Variants in SRGAP2C observed in about 807,000 individuals in gnomAD.
The protein encoded by SRGAP2C is SLIT-ROBO Rho GTPase-activating protein 2C.
A neutral mutation model predicts 25.1 loss-of-function variants in SRGAP2C; 15 were observed. The observed-to-expected ratio is 0.60, with a 90% CI of 0.40 to 0.92. The LOEUF (loss-of-function observed/expected upper bound fraction) is 0.92. SRGAP2C is among the 40% of genes least tolerant of loss of function. The probability of loss-of-function intolerance (pLI) is 0.00; values close to 1 mark genes in which losing one functional copy is unlikely to be tolerated. For synonymous variants in SRGAP2C, 44 were observed against 96.6 expected, an observed-to-expected ratio of 0.46 and a Z score of 3.19; for missense variants, 144 against 264.4, an observed-to-expected ratio of 0.54 and a Z score of 3.16.
At chr1:121,314,024 C>T (rs1466090552) in intron 3 of SRGAP2C, among the ~76,000 whole-genome samples, 2 of 129,438 alleles carry the variant, frequency 1.5e-5, no homozygotes, top group Non-Finnish European at 3.3e-5. Flanking sequence ...AGAGTGTTTT[C>T]CAACTTGGTT....
intron 5 of SRGAP2C, among the ~76,000 whole-genome samples, chr1:121,372,893 ACACACACACACATG>A (rs1212803297): frequency 2.8e-5 from 2 of 71,188 alleles, no homozygotes; most frequent in Admixed American, 1.4e-4. Flanking sequence ...ACACACACAC[ACACACACACACATG>A]CACACACACA....
chr1:121,281,293 G>A (rs1332867580), intron 2 of SRGAP2C, among the ~76,000 whole-genome samples: 4 of 151,418 alleles, frequency 2.6e-5, no homozygotes, highest in Non-Finnish European at 5.9e-5. Flanking sequence ...ATGGTAACAA[G>A]GGAGGCATCT....
intron 4 of SRGAP2C, among the ~76,000 whole-genome samples, chr1:121,359,883 G>T (rs1345734644): frequency 6.6e-6 from 1 of 152,254 alleles, no homozygotes; most frequent in East Asian, 1.9e-4. Flanking sequence ...GTGGAGTGGG[G>T]ACTTGGAGAA....
chr1:121,222,477 A>T (rs1454236417), intron 2 of SRGAP2C, among the ~76,000 whole-genome samples: 1 of 152,010 alleles, frequency 6.6e-6, no homozygotes, highest in Admixed American at 6.6e-5. Context: ...GATAATTTAA[A>T]AATTAGCTGG....
intron 3 of SRGAP2C, among the ~76,000 whole-genome samples, chr1:121,303,846 A>G (rs1267417090): frequency 1.7e-4 from 26 of 151,570 alleles, no homozygotes; most frequent in Non-Finnish European, 3.5e-4. Flanking sequence ...CCTGGTTCCT[A>G]TTATCCATAA....
intron 8 of SRGAP2C, among the ~76,000 whole-genome samples, chr1:121,383,315 G>C (rs1306933033): frequency 1.3e-5 from 2 of 149,124 alleles, no homozygotes; most frequent in African/African-American, 4.9e-5. Context: ...GGAGGGGGGC[G>C]CTCCCAGTGG....
intron 4 of SRGAP2C, among the ~76,000 whole-genome samples, chr1:121,334,308 ATTTG>A: frequency 1.4e-5 from 1 of 70,620 alleles, no homozygotes; most frequent in Admixed American, 1.7e-4. Context: ...CCATTTAAAA[ATTTG>A]TTTGTGTAAA....
At chr1:121,191,056 T>C (rs1654660514) in intron 2 of SRGAP2C, among the ~76,000 whole-genome samples, 1 of 152,240 alleles carries the variant, frequency 6.6e-6, no homozygotes, top group Non-Finnish European at 1.5e-5. Flanking sequence ...GGTTTGTGGG[T>C]GCCCACATTC....
intron 2 of SRGAP2C, among the ~76,000 whole-genome samples, chr1:121,281,096 CG>C (rs1485792617): frequency 6.6e-6 from 1 of 150,644 alleles, no homozygotes; most frequent in Admixed American, 6.7e-5. Flanking sequence ...TGTGCATGAA[CG>C]GGGACTGGGG....
intron 3 of SRGAP2C, among the ~76,000 whole-genome samples, chr1:121,286,183 C>T (rs1369567307): frequency 2.7e-5 from 4 of 149,234 alleles, no homozygotes; most frequent in South Asian, 2.1e-4. Flanking sequence ...AACACACTGG[C>T]GATCAGAGAA....
At chr1:121,278,148 T>C (rs2101559091) in intron 2 of SRGAP2C, among the ~76,000 whole-genome samples, 1 of 151,964 alleles carries the variant, frequency 6.6e-6, no homozygotes, top group South Asian at 2.1e-4. Context: ...GATTTTGCCA[T>C]GTTGCCCAGG....
Position 121,286,069 on chromosome 1 carries a change from T to C in SRGAP2C, c.260+1074T>C, listed in dbSNP as rs1274494746. ...CGTTGGGTTGCATTCAAAGCCATCCTGGCCCCCATGCAGCCCACAGGCCAT... is the reference window on the plus strand; with the variant it reads ...CGTTGGGTTGCATTCAAAGCCATCCCGGCCCCCATGCAGCCCACAGGCCAT... On this transcript the variant is annotated intron_variant, in intron 3 of 9. Coordinates refer to ENST00000367123, the MANE Select transcript of SRGAP2C (RefSeq NM_001329984.2). Among the ~76,000 whole-genome samples the C allele has an allele frequency of 3.9e-5, 6 of 152,204 alleles. No homozygotes were observed. The East Asian group carries it at 1.2e-3, about 29-fold the overall frequency.
At chr1:121,211,560 G>T (rs1326107840) in intron 2 of SRGAP2C, among the ~76,000 whole-genome samples, 3 of 149,440 alleles carry the variant, frequency 2.0e-5, no homozygotes, top group Non-Finnish European at 3.0e-5. Context: ...AAAGAAAAAA[G>T]GTTTCTCTGC....
intron 3 of SRGAP2C, among the ~76,000 whole-genome samples, chr1:121,315,522 TG>T (rs1658077799): frequency 6.6e-6 from 1 of 151,654 alleles, no homozygotes; most frequent in Non-Finnish European, 1.5e-5. Context: ...TCTACTAACC[TG>T]GAAATTGACT....
intron 2 of SRGAP2C, among the ~76,000 whole-genome samples, chr1:121,225,715 CTT>C (rs1214244086): frequency 5.5e-5 from 8 of 146,754 alleles, no homozygotes; most frequent in Non-Finnish European, 7.5e-5. Flanking sequence ...TGTTTTAAAA[CTT>C]TTTTTTTTTT....
chr1:121,295,734 T>TTCGTTGTTG (rs1425362653), intron 3 of SRGAP2C, among the ~76,000 whole-genome samples: 88 of 150,074 alleles, frequency 5.9e-4, no homozygotes, highest in Non-Finnish European at 1.0e-3. Context: ...CTTTTTTGTT[T>TTCGTTGTTG]TTGTTGTTGT....
At chr1:121,314,447 A>G (rs1658047260) in intron 3 of SRGAP2C, among the ~76,000 whole-genome samples, 2 of 152,218 alleles carry the variant, frequency 1.3e-5, no homozygotes, top group South Asian at 2.1e-4. Flanking sequence ...TTCTCCATCC[A>G]TCTTTGTTCC....
intron 3 of SRGAP2C, among the ~76,000 whole-genome samples, chr1:121,289,250 G>A (rs1222103572): frequency 2.0e-5 from 3 of 149,820 alleles, no homozygotes; most frequent in Admixed American, 6.6e-5. Flanking sequence ...GCCCTGCCCC[G>A]CGGGAAGGCA....
chr1:121,270,405 A>G (rs2101546434), intron 2 of SRGAP2C, among the ~76,000 whole-genome samples: 1 of 141,686 alleles, frequency 7.1e-6, no homozygotes, highest in African/African-American at 2.6e-5. Flanking sequence ...GCAAAAATTT[A>G]AACATTATAA....
Sources: allele counts gnomAD v4.1 joint callset (sites outside exome capture counted in the v4.1 genomes callset), GRCh38; gene constraint gnomAD v4.1.1; transcripts MANE v1.5; gene names NCBI Gene and HGNC (gene_info 2026-07-23, HGNC 2026-07-21).